Variants in CDH13 observed in about 807,000 individuals in gnomAD.
CDH13 encodes cadherin 13.
Under a neutral mutation model 63.8 loss-of-function variants are expected in CDH13, and 24 were observed. The observed-to-expected ratio is 0.38, with a 90% CI of 0.27 to 0.53. CDH13 has a LOEUF of 0.53. Ranked by LOEUF, CDH13 falls within the 20% of genes least tolerant of loss-of-function variation. The pLI, the probability that CDH13 is intolerant of heterozygous loss-of-function variation, is 0.85. For synonymous variants in CDH13, 503 were observed against 355.3 expected, an observed-to-expected ratio of 1.42 and a Z score of -4.67; for missense variants, 1,049 against 903.1, an observed-to-expected ratio of 1.16 and a Z score of -2.07.
intron 2 of CDH13, among the ~76,000 whole-genome samples, chr16:82,935,975 A>G (rs1452207624): frequency 1.3e-5 from 2 of 152,184 alleles, no homozygotes; most frequent in African/African-American, 2.4e-5. Context: ...TCTGATTTGC[A>G]TAGTGCTCAC....
chr16:83,647,106 C>G (rs920683262), intron 8 of CDH13, among the ~76,000 whole-genome samples: 1 of 151,816 alleles, frequency 6.6e-6, no homozygotes. Context: ...GTCAGGAGAT[C>G]GAGACCATCC....
intron 3 of CDH13, among the ~76,000 whole-genome samples, chr16:83,098,484 A>G (rs2034312817): frequency 6.6e-6 from 1 of 151,388 alleles, no homozygotes. Context: ...TCCATCCAAC[A>G]TTATTTTTGG....
intron 5 of CDH13, among the ~76,000 whole-genome samples, chr16:83,266,965 T>C (rs1907697978): frequency 6.6e-6 from 1 of 152,216 alleles, no homozygotes; most frequent in South Asian, 2.1e-4. Context: ...ATGTTCTGAT[T>C]GCAAATGACA....
At chr16:83,447,058 AAAAAAAAAAAAAAAAAC>A (rs2072714311) in intron 6 of CDH13, among the ~76,000 whole-genome samples, 1 of 139,916 alleles carries the variant, frequency 7.1e-6, no homozygotes, top group African/African-American at 2.6e-5. Flanking sequence ...CGTCTTAAAA[AAAAAAAAAAAAAAAAAC>A]AAAAAACACC....
intron 6 of CDH13, among the ~76,000 whole-genome samples, chr16:83,357,683 C>T (rs9938206): frequency 0.21 from 31,849 of 152,096 alleles, 3,692 homozygotes; most frequent in African/African-American, 0.29. Context: ...ATGCATAGAA[C>T]GGCCTCCACA....
At chr16:82,662,803 C>G (rs1912116544) in intron 1 of CDH13, among the ~76,000 whole-genome samples, 1 of 152,324 alleles carries the variant, frequency 6.6e-6, no homozygotes, top group Admixed American at 6.5e-5. Context: ...GAGGGCTTCT[C>G]TGCCATTTAG....
intron 1 of CDH13, among the ~76,000 whole-genome samples, chr16:82,699,535 A>G (rs1409984795): frequency 6.6e-6 from 1 of 152,224 alleles, no homozygotes; most frequent in African/African-American, 2.4e-5. Context: ...AATGCGTGTC[A>G]TAACTCTGCC....
At chr16:82,803,197 C>A (rs941442241) in intron 1 of CDH13, among the ~76,000 whole-genome samples, 1 of 152,180 alleles carries the variant, frequency 6.6e-6, no homozygotes, top group Admixed American at 6.5e-5. Flanking sequence ...CCTACCATGT[C>A]TTTGTAAGAT....
At chr16:83,757,779 T>G (rs1913635262) in intron 11 of CDH13, among the ~76,000 whole-genome samples, 2 of 152,120 alleles carry the variant, frequency 1.3e-5, no homozygotes, top group Non-Finnish European at 2.9e-5. Flanking sequence ...ATGCAATATA[T>G]TTGACAATTT....
At chr16:83,521,980 A>G (rs1294278891) in intron 7 of CDH13, among the ~76,000 whole-genome samples, 3 of 152,260 alleles carry the variant, frequency 2.0e-5, no homozygotes, top group Non-Finnish European at 4.4e-5. Context: ...TTCTGAAGCT[A>G]GAGCCCCTCA....
At position 83,447,053 on chromosome 16, in the gene CDH13, T is replaced by TAAAAA. The variant is rs56692922; in HGVS notation, c.782-39407_782-39403dup. ...TACCACCACCACTGGTCACCCGTCT[T>TAAAAA]AAAAAAAAAAAAAAAAAAAAACAAA... is the stretch of plus-strand genomic sequence containing the variant. On this transcript the variant is annotated intron_variant, in intron 6 of 13. Transcript: ENST00000567109. Among the ~76,000 whole-genome samples, 16 of 64,294 alleles carry TAAAAA rather than the reference T, an allele frequency of 2.5e-4. 1 individual carries two copies. Among genetic ancestry groups the TAAAAA allele is most frequent in the African/African-American group, 7.8e-4 (16 of 20,386 alleles). 42.2% of individuals were successfully genotyped at this position (64,294 alleles called of 152,430 possible).
At chr16:83,180,871 G>A (rs755318419) in intron 4 of CDH13, 1 of 1,519,026 alleles carries the variant, frequency 6.6e-7, no homozygotes, top group Non-Finnish European at 8.8e-7. Flanking sequence ...TTCTTACAGA[G>A]AACCCACAAT....
chr16:83,473,599 C>G (rs920590587), intron 6 of CDH13, among the ~76,000 whole-genome samples: 1 of 152,148 alleles, frequency 6.6e-6, no homozygotes, highest in African/African-American at 2.4e-5. Flanking sequence ...ATATGTCCCT[C>G]GGGCTTCTGG....
intron 7 of CDH13, among the ~76,000 whole-genome samples, chr16:83,502,279 T>G: frequency 1.3e-5 from 2 of 151,164 alleles, no homozygotes; most frequent in Non-Finnish European, 1.5e-5. Context: ...AAGGGGGAGG[T>G]GGGAATGGCT....
intron 2 of CDH13, among the ~76,000 whole-genome samples, chr16:82,948,137 A>G (rs1904932605): frequency 6.6e-6 from 1 of 152,166 alleles, no homozygotes; most frequent in Admixed American, 6.5e-5. Flanking sequence ...TTCTATCAAA[A>G]CAAAGAAATG....
chr16:83,679,394 T>G (rs17768058), intron 10 of CDH13, among the ~76,000 whole-genome samples: 15,638 of 152,282 alleles, frequency 0.1, 973 homozygotes, highest in Non-Finnish European at 0.14. Flanking sequence ...TGGACACACT[T>G]AAAACGAACA....
intron 6 of CDH13, chr16:83,398,133 C>G (rs967827515): frequency 7.7e-6 from 1 of 129,586 alleles, no homozygotes; most frequent in Non-Finnish European, 1.7e-5. Flanking sequence ...GCTAGGCGTA[C>G]TACCCTGGTT....
chr16:82,846,165 G>A (rs969807117), intron 1 of CDH13, among the ~76,000 whole-genome samples: 11 of 152,136 alleles, frequency 7.2e-5, no homozygotes, highest in Admixed American at 5.9e-4. Context: ...CCAAACTTCT[G>A]CGTGGAGCCT....
intron 1 of CDH13, among the ~76,000 whole-genome samples, chr16:82,682,322 C>T (rs1294002525): frequency 6.6e-5 from 10 of 152,194 alleles, no homozygotes; most frequent in Non-Finnish European, 7.3e-5. Flanking sequence ...ATTTATCAAG[C>T]TTTTCTGGTT....
Sources: allele counts gnomAD v4.1 joint callset (sites outside exome capture counted in the v4.1 genomes callset), GRCh38; gene constraint gnomAD v4.1.1; transcripts MANE v1.5; gene names NCBI Gene and HGNC (gene_info 2026-07-23, HGNC 2026-07-21).